RANBP2: variants seen among roughly 807,000 people sequenced by gnomAD.
RANBP2 encodes E3 SUMO-protein ligase RanBP2.
RANBP2 carries 57 observed loss-of-function variants against 303.6 expected under a neutral mutation model. The ratio of observed to expected loss-of-function variants is 0.19; its 90% CI spans 0.15 to 0.23. RANBP2 has a LOEUF of 0.23. RANBP2 is among the 10% of genes least tolerant of loss of function. The probability of loss-of-function intolerance (pLI) is 1.00; values close to 1 mark genes in which losing one functional copy is unlikely to be tolerated. For synonymous variants in RANBP2, 1,167 were observed against 1,301.5 expected (o/e 0.90, Z 2.23); for missense variants, 3,138 against 3,780.8 (o/e 0.83, Z 4.46).
chr2:109,081,201 T>G, the RANBP2 span, among the ~76,000 whole-genome samples: 1 of 152,160 alleles, frequency 6.6e-6, no homozygotes, highest in African/African-American at 2.4e-5. Context: ...TTTCACTTGT[T>G]TCTTTTTGCT....
chr2:109,349,188 C>T, the RANBP2 span, among the ~76,000 whole-genome samples: 21 of 152,234 alleles, frequency 1.4e-4, no homozygotes, highest in African/African-American at 4.3e-4. Flanking sequence ...CTCTGGAGGG[C>T]GGTAGGAGAA....
At chr2:109,465,684 C>CAT in the RANBP2 span, among the ~76,000 whole-genome samples, 1 of 152,198 alleles carries the variant, frequency 6.6e-6, no homozygotes, top group Non-Finnish European at 1.5e-5. Context: ...CTACAGGAAG[C>CAT]ATAGCAGCTT....
chr2:109,597,971 GA>G, the RANBP2 span, among the ~76,000 whole-genome samples: 3 of 152,166 alleles, frequency 2.0e-5, no homozygotes, highest in Admixed American at 6.5e-5. Flanking sequence ...ACCCTGCTGG[GA>G]AACATTTCTG....
chr2:109,201,761 A>G, the RANBP2 span, among the ~76,000 whole-genome samples: 1 of 152,166 alleles, frequency 6.6e-6, no homozygotes, highest in Non-Finnish European at 1.5e-5. Context: ...TGAAAGGAGC[A>G]TTGGTAGGAA....
At chr2:109,086,899 C>T in the RANBP2 span, among the ~76,000 whole-genome samples, 1 of 152,188 alleles carries the variant, frequency 6.6e-6, no homozygotes, top group Admixed American at 6.5e-5. Context: ...AGAGGCTTGC[C>T]CTTGGCCCTA....
At chr2:109,664,330 GCACAGTGA>G in the RANBP2 span, among the ~76,000 whole-genome samples, 1 of 152,160 alleles carries the variant, frequency 6.6e-6, no homozygotes, top group East Asian at 1.9e-4. Flanking sequence ...TCTTGGCCAG[GCACAGTGA>G]CTCACACCTG....
At chr2:108,940,897 T>C in the RANBP2 span, among the ~76,000 whole-genome samples, 3 of 152,214 alleles carry the variant, frequency 2.0e-5, no homozygotes, top group Admixed American at 1.3e-4. Flanking sequence ...TGTAATTAAC[T>C]TGCAATAAGC....
the RANBP2 span, among the ~76,000 whole-genome samples, chr2:109,012,371 T>C: frequency 3.3e-5 from 5 of 152,176 alleles, no homozygotes; most frequent in African/African-American, 1.2e-4. Context: ...GCGGTGGCTC[T>C]GTCTTCAGGC....
At chr2:109,640,183 T>C in the RANBP2 span, among the ~76,000 whole-genome samples, 1 of 150,934 alleles carries the variant, frequency 6.6e-6, no homozygotes, top group South Asian at 2.1e-4. Context: ...CCCAGCACAG[T>C]GGCTCATGCC....
chr2:109,601,771 A>G, the RANBP2 span, among the ~76,000 whole-genome samples: 1 of 152,182 alleles, frequency 6.6e-6, no homozygotes, highest in Non-Finnish European at 1.5e-5. Flanking sequence ...AAGTTAAAAA[A>G]AAAAAAAGCA....
chr2:109,402,904 G>A, the RANBP2 span, among the ~76,000 whole-genome samples: 3 of 152,130 alleles, frequency 2.0e-5, no homozygotes, highest in Admixed American at 6.5e-5. Context: ...AACAGCAGGC[G>A]TCTGCCCTGG....
chr2:109,603,536 G>C, the RANBP2 span, among the ~76,000 whole-genome samples: 4 of 150,202 alleles, frequency 2.7e-5, no homozygotes, highest in East Asian at 8.4e-4. Flanking sequence ...ACCGCGCCCG[G>C]CCTCATAATA....
chr2:109,574,803 T>G, the RANBP2 span: 111 of 1,436,422 alleles, frequency 7.7e-5, 2 homozygotes, highest in South Asian at 1.6e-3. Flanking sequence ...ACAACATTAT[T>G]TGTGCTACCT....
At chr2:109,337,158 G>C in the RANBP2 span, among the ~76,000 whole-genome samples, 1 of 152,174 alleles carries the variant, frequency 6.6e-6, no homozygotes, top group East Asian at 1.9e-4. Flanking sequence ...AGGGAGGTAC[G>C]AACTGGCTCA....
chr2:109,763,481 CA>C, the RANBP2 span, among the ~76,000 whole-genome samples: 3 of 150,238 alleles, frequency 2.0e-5, no homozygotes, highest in Non-Finnish European at 4.4e-5. Flanking sequence ...GAGTACTTCA[CA>C]TATCTCTCAG....
At chr2:109,399,005 G>A in the RANBP2 span, 13,200 of 1,479,496 alleles carry the variant, frequency 8.9e-3, 933 homozygotes, top group African/African-American at 0.16. Context: ...CCTCAGCTCC[G>A]TGTTCAGTGT....
At chr2:109,637,949 C>T in the RANBP2 span, among the ~76,000 whole-genome samples, 1 of 152,160 alleles carries the variant, frequency 6.6e-6, no homozygotes, top group East Asian at 1.9e-4. Context: ...CAGAACAAGA[C>T]TCCATCTCAA....
the RANBP2 span, among the ~76,000 whole-genome samples, chr2:109,428,120 G>GA: frequency 2.6e-5 from 4 of 152,216 alleles, no homozygotes; most frequent in Non-Finnish European, 4.4e-5. Context: ...TGGAAGAGGT[G>GA]AGGAGGAAGC....
the RANBP2 span, among the ~76,000 whole-genome samples, chr2:108,796,613 C>T: frequency 6.6e-6 from 1 of 152,084 alleles, no homozygotes; most frequent in Non-Finnish European, 1.5e-5. Context: ...AATGTGGTAT[C>T]TATACACAAT....
Sources: gnomAD v4.1 joint callset for allele counts (sites outside exome capture counted in the v4.1 genomes callset) on GRCh38, gnomAD v4.1.1 for gene constraint, MANE v1.5 for transcripts, NCBI Gene and HGNC (gene_info 2026-07-23, HGNC 2026-07-21) for gene names.